The following FOXK1 variants were observed in gnomAD, a reference collection of about 807,000 sequenced individuals.
FOXK1 encodes forkhead box K1.
In FOXK1, 19 loss-of-function variants were observed where a neutral mutation model predicts 51.9. The ratio of observed to expected loss-of-function variants is 0.37; its 90% CI spans 0.26 to 0.54. The LOEUF (loss-of-function observed/expected upper bound fraction) is 0.54. Among genes scored for constraint, FOXK1 ranks in the 20% least tolerant of loss-of-function variants. FOXK1 has a pLI of 0.87. For missense variants in FOXK1, 870 were observed against 1,032.7 expected, an observed-to-expected ratio of 0.84 and a Z score of 2.16; for synonymous variants, 537 against 482.6, an observed-to-expected ratio of 1.11 and a Z score of -1.48.
chr7:4,705,677 T>C (rs1177152166), intron 1 of FOXK1, among the ~76,000 whole-genome samples: 1 of 151,652 alleles, frequency 6.6e-6, no homozygotes, highest in Non-Finnish European at 1.5e-5. Context: ...GCTGGGACTA[T>C]ACAGGCTTGT....
At chr7:4,726,150 C>T (rs935730987) in intron 1 of FOXK1, among the ~76,000 whole-genome samples, 12 of 152,018 alleles carry the variant, frequency 7.9e-5, no homozygotes, top group African/African-American at 2.7e-4. Flanking sequence ...AAATAAATAA[C>T]TTTGAATTTG....
chr7:4,700,135 C>T (rs1470062564), intron 1 of FOXK1, among the ~76,000 whole-genome samples: 1 of 152,186 alleles, frequency 6.6e-6, no homozygotes, highest in African/African-American at 2.4e-5. Flanking sequence ...ACTGCAGCAC[C>T]CCACGGCACC....
rs113906586 is a variant in FOXK1 at position 4,758,796 on chromosome 7, C to T, written c.1245-255C>T. The stretch of plus-strand genomic sequence containing the variant: ...TGGAAGTGAACTCCGTAGGTTGTTG[C>T]GTTCACTGCAGCACCTCACATGATA... On this transcript the variant is annotated intron_variant, in intron 5 of 8. Coordinates refer to ENST00000328914, the MANE Select transcript of FOXK1 (RefSeq NM_001037165.2). This position sits in a 1 kb window ranked among gnomAD's most constrained non-coding sequence, Gnocchi z 4.4. 6.2e-6 allele frequency: 3 copies of T among 484,098 alleles called. No homozygotes were observed. Among genetic ancestry groups the T allele is most frequent in the Non-Finnish European group, 7.3e-6 (2 of 275,402 alleles). The allele number at this position is 484,098 out of a possible 1,614,324, so 30.0% of individuals were successfully genotyped here.
At position 4,745,761 on chromosome 7, in the gene FOXK1, A is replaced by G. The variant is rs928255036; in HGVS notation, c.746+4738A>G. On this transcript the variant is annotated intron_variant, in intron 2 of 8. Coordinates refer to ENST00000328914, the MANE Select transcript of FOXK1 (RefSeq NM_001037165.2). This position sits in a 1 kb window ranked among gnomAD's most constrained non-coding sequence, Gnocchi z 4.3. ...TCTACTGAAAATACAAAAATGAGCC[A>G]GGTGTGTAATCCAAGCTACTTGGGA... Among the ~76,000 whole-genome samples the G allele has an allele frequency of 6.6e-6, 1 of 151,996 alleles. No homozygotes were observed. The highest frequency in any genetic ancestry group is 1.5e-5 in the Non-Finnish European group (1 of 68,004).
At chr7:4,717,961 T>C (rs1780257266) in intron 1 of FOXK1, among the ~76,000 whole-genome samples, 1 of 152,134 alleles carries the variant, frequency 6.6e-6, no homozygotes, top group Admixed American at 6.5e-5. Context: ...TCCTGATAAA[T>C]GTCCACAGAC....
intron 1 of FOXK1, among the ~76,000 whole-genome samples, chr7:4,691,763 T>C (rs79544591): frequency 0.057 from 8,745 of 152,256 alleles, 364 homozygotes; most frequent in African/African-American, 0.13. Context: ...CTGATCATGT[T>C]GCCTCTCTGC....
At chr7:4,705,556 T>TCTCG (rs755624560) in intron 1 of FOXK1, among the ~76,000 whole-genome samples, 1 of 145,290 alleles carries the variant, frequency 6.9e-6, no homozygotes, top group African/African-American at 2.5e-5. Flanking sequence ...TCTCTCTCTC[T>TCTCG]CTCGCTCTCG....
intron 1 of FOXK1, among the ~76,000 whole-genome samples, chr7:4,714,954 AG>A (rs1229892396): frequency 2.6e-5 from 4 of 152,176 alleles, no homozygotes; most frequent in Non-Finnish European, 4.4e-5. Flanking sequence ...GTGTGTATTC[AG>A]GGAGTGTCTT....
At position 4,767,675 on chromosome 7, in the gene FOXK1, C is replaced by T. The variant is rs1458734498; in HGVS notation, c.*5211C>T. 1 of 152,144 alleles carries T rather than the reference C, an allele frequency of 6.6e-6. No homozygotes were observed. The highest frequency in any genetic ancestry group is 1.5e-5 in the Non-Finnish European group (1 of 68,030). The allele number at this position is 152,144 out of a possible 1,614,324, so 9.4% of individuals were successfully genotyped here. On this transcript the variant is annotated 3_prime_UTR_variant, in exon 9 of 9. Transcript: ENST00000328914. The surrounding 1 kb of genome is among the most constrained non-coding windows in gnomAD (Gnocchi z 6.6). ...CTGTCCCTTATTTTTAGATTGTTTT[C>T]CTGCATCTTACAATTTCCTTTTCTT...
intron 1 of FOXK1, among the ~76,000 whole-genome samples, chr7:4,740,059 C>G (rs547033844): frequency 6.6e-6 from 1 of 152,156 alleles, no homozygotes; most frequent in Non-Finnish European, 1.5e-5. Context: ...GTTTGGGAGG[C>G]TGAGGCAGGT....
rs200167200 is a variant in FOXK1, at chr7:4,743,878, G to GC, written c.746+2856dup. On this transcript the variant is annotated intron_variant, in intron 2 of 8. Transcript: ENST00000328914. This position sits in a 1 kb window ranked among gnomAD's most constrained non-coding sequence, Gnocchi z 5.3. ...CAGGTTGTAATCCAGCTAAACAGAAGCTTTTTTTTTTTTTTTGAGACGGAG... is the reference window on the plus strand; with the variant it reads ...CAGGTTGTAATCCAGCTAAACAGAAGCCTTTTTTTTTTTTTTTGAGACGGAG... Among the ~76,000 whole-genome samples the GC allele has an allele frequency of 0.019, 2,776 of 147,262 alleles. 49 individuals are homozygous for GC. Among genetic ancestry groups the GC allele is most frequent in the Non-Finnish European group, 0.025 (1,690 of 66,894 alleles).
In FOXK1 at chr7:4,705,346, C is replaced by T. The variant is rs375794486; in HGVS notation, c.560+22478C>T. 3.3e-3 allele frequency among the ~76,000 whole-genome samples: 504 copies of T among 151,780 alleles called. 5 individuals are homozygous for T. Among genetic ancestry groups the T allele is most frequent in the African/African-American group, 0.012 (479 of 41,370 alleles). On this transcript the variant is annotated intron_variant, in intron 1 of 8. Coordinates refer to ENST00000328914, the MANE Select transcript of FOXK1 (RefSeq NM_001037165.2). ...GGGACTACAGGCGCATGCCATCACC[C>T]TGGCCAACTTTTTTTTGTAAAGACA...
At position 4,761,339 on chromosome 7, in the gene FOXK1, C is replaced by G; in HGVS notation, c.1921+51C>G. The stretch of plus-strand genomic sequence containing the variant: ...GCCACATCCCAAGCTCTGTGGCTCC[C>G]AGTAGTCAGTGCGGCATGAGAATGT... On this transcript the variant is annotated intron_variant, in intron 8 of 8. Coordinates refer to ENST00000328914, the MANE Select transcript of FOXK1 (RefSeq NM_001037165.2). This position sits in a 1 kb window ranked among gnomAD's most constrained non-coding sequence, Gnocchi z 6.2. The G allele has an allele frequency of 6.5e-7, 1 of 1,533,400 alleles. No homozygotes were observed. Among genetic ancestry groups the G allele is most frequent in the Non-Finnish European group, 8.9e-7 (1 of 1,124,080 alleles). 95.0% of individuals were successfully genotyped at this position (1,533,400 alleles called of 1,614,324 possible). A position where few individuals can be genotyped will look rare whatever the true frequency, so the allele number is the denominator to read the frequency against.
At position 4,754,467 on chromosome 7, in the gene FOXK1, A is replaced by G; in HGVS notation, c.755A>G (p.Asn252Ser). The stretch of plus-strand genomic sequence containing the variant: ...TCCTTCTCTCTCCTCAGTGTCCCCA[A>G]CTCCTGCCCAGCCAGTCCACGCGGT... ...PSPTGTISVP[N>S]SCPASPRGAG... The change falls in exon 3 of 9, where the codon AAC (asparagine) becomes AGC (serine). Residue 252 changes from asparagine to serine, a missense_variant. Physicochemically the swap from Asn to Ser is conservative, Grantham distance 46. Around this residue, in one of 3 missense-constraint regions of FOXK1, gnomAD observed 399 missense variants for 475.6 expected, o/e 0.84. Transcript: ENST00000328914. 3 of 1,612,276 alleles carry G rather than the reference A, an allele frequency of 1.9e-6. No homozygotes were observed. Among genetic ancestry groups the G allele is most frequent in the Non-Finnish European group, 8.5e-7 (1 of 1,179,820 alleles).
chr7:4,719,848 G>T (rs138174511), intron 1 of FOXK1, among the ~76,000 whole-genome samples: 2 of 152,022 alleles, frequency 1.3e-5, no homozygotes, highest in African/African-American at 4.8e-5. Flanking sequence ...ATACCTCCTC[G>T]TGTGTTTTGT....
chr7:4,690,398 T>C (rs989158798), intron 1 of FOXK1, among the ~76,000 whole-genome samples: 6 of 152,256 alleles, frequency 3.9e-5, no homozygotes, highest in Non-Finnish European at 8.8e-5. Flanking sequence ...TGGCAGTTTT[T>C]GTGTATCACA....
At chr7:4,710,402 C>G (rs1454646208) in intron 1 of FOXK1, among the ~76,000 whole-genome samples, 1 of 152,082 alleles carries the variant, frequency 6.6e-6, no homozygotes, top group Non-Finnish European at 1.5e-5. Context: ...TGGTGAAACC[C>G]CGTCTCTACT....
In FOXK1 at chr7:4,768,083, G is replaced by A. The variant is rs1781040606; in HGVS notation, c.*5619G>A. 6.8e-6 allele frequency: 1 copy of A among 147,314 alleles called. No homozygotes were observed. The highest frequency in any genetic ancestry group is 6.8e-5 in the Admixed American group (1 of 14,810). The allele number at this position is 147,314 out of a possible 1,614,324, so 9.1% of individuals were successfully genotyped here. ...GATACAACCACACACATTTCCCTCT[G>A]GACTGAAATTTTAAAAACAGACCCA... On this transcript the variant is annotated 3_prime_UTR_variant, in exon 9 of 9. Transcript: ENST00000328914.
At chr7:4,705,726 A>G (rs1393811924) in intron 1 of FOXK1, among the ~76,000 whole-genome samples, 3 of 150,140 alleles carry the variant, frequency 2.0e-5, no homozygotes, top group African/African-American at 7.4e-5. Context: ...TTTAGTAGAG[A>G]GGGGGTTTCA....
Sources: allele counts gnomAD v4.1 joint callset (sites outside exome capture counted in the v4.1 genomes callset), GRCh38; gene constraint gnomAD v4.1.1; regional missense constraint gnomAD v4.1.1; non-coding constraint Gnocchi (gnomAD v3.1); transcripts MANE v1.5; gene names NCBI Gene and HGNC (gene_info 2026-07-23, HGNC 2026-07-21).